Variants in KCNN2 observed in about 807,000 individuals in gnomAD.
KCNN2 encodes small conductance calcium-activated potassium channel protein 2.
A neutral mutation model predicts 55.5 loss-of-function variants in KCNN2; 24 were observed. The observed-to-expected ratio is 0.43, with a 90% confidence interval of 0.31 to 0.61. KCNN2 has a LOEUF of 0.61. Among genes scored for constraint, KCNN2 ranks in the 20% least tolerant of loss-of-function variants. The pLI is 0.08. For missense variants in KCNN2, 754 were observed against 853.6 expected (o/e 0.88, Z 1.45); for synonymous variants, 431 against 336.1 (o/e 1.28, Z -3.09).
At position 114,404,579 on chromosome 5, in the gene KCNN2, G is replaced by A. The variant is rs750161790; in HGVS notation, c.1360G>A (p.Ala454Thr). Residue 454 changes from alanine to threonine, a missense_variant, in exon 3 of 8, where the codon GCC (alanine) becomes ACC (threonine). By Grantham distance (58) the Ala-to-Thr change is moderately conservative. Around this residue, in one of 4 missense-constraint regions of KCNN2, gnomAD observed 123 missense variants for 204.9 expected, o/e 0.60. Coordinates refer to ENST00000673685, the MANE Select transcript of KCNN2 (RefSeq NM_021614.4). ...TACATTCACATGGACGGCCCGGCTT[G>A]CCTTCTCCTATGCCCCATCCACAAC... ...NYTFTWTARL[A>T]FSYAPSTTTA... 1.2e-6 allele frequency: 2 copies of A among 1,613,786 alleles called. No homozygotes were observed. The highest frequency in any genetic ancestry group is 2.2e-5 in the East Asian group (1 of 44,858).
At chr5:114,157,201 T>A (rs897822888) in intron 1 of KCNN2, among the ~76,000 whole-genome samples, 1 of 140,836 alleles carries the variant, frequency 7.1e-6, no homozygotes, top group Non-Finnish European at 1.5e-5. Flanking sequence ...TTTCCCTTCC[T>A]GTGTCCTTAT....
At chr5:114,141,817 G>A (rs1446935098) in intron 1 of KCNN2, among the ~76,000 whole-genome samples, 9 of 152,058 alleles carry the variant, frequency 5.9e-5, no homozygotes, top group East Asian at 1.9e-4. Context: ...TTTAATGATC[G>A]CCATTCTAAC....
At chr5:114,064,933 C>A (rs1750414276) in intron 1 of KCNN2, among the ~76,000 whole-genome samples, 1 of 152,140 alleles carries the variant, frequency 6.6e-6, no homozygotes, top group Non-Finnish European at 1.5e-5. Context: ...GCCCAAGGCA[C>A]AATGCTTAGG....
chr5:114,105,132 C>T (rs949145253), intron 1 of KCNN2, among the ~76,000 whole-genome samples: 2 of 152,002 alleles, frequency 1.3e-5, no homozygotes, highest in Admixed American at 1.3e-4. Flanking sequence ...AATCCTTACC[C>T]TAGACTGGAG....
At chr5:114,432,342 G>A (rs1043392752) in intron 3 of KCNN2, among the ~76,000 whole-genome samples, 2 of 152,158 alleles carry the variant, frequency 1.3e-5, no homozygotes, top group African/African-American at 2.4e-5. Flanking sequence ...ATCTCTAATC[G>A]GCTCTTTTGC....
At chr5:114,221,085 G>A (rs555668237) in intron 1 of KCNN2, among the ~76,000 whole-genome samples, 40 of 152,266 alleles carry the variant, frequency 2.6e-4, no homozygotes, top group Admixed American at 1.1e-3. Flanking sequence ...TATATGACAC[G>A]TTTATGTGAG....
intron 2 of KCNN2, among the ~76,000 whole-genome samples, chr5:114,242,896 G>T (rs1197968684): frequency 6.6e-6 from 1 of 151,986 alleles, no homozygotes; most frequent in Non-Finnish European, 1.5e-5. Flanking sequence ...CAGTAAATGA[G>T]GCCCAACATG....
chr5:114,479,578 T>C (rs983195428), intron 5 of KCNN2, among the ~76,000 whole-genome samples: 1 of 151,806 alleles, frequency 6.6e-6, no homozygotes, highest in Non-Finnish European at 1.5e-5. Context: ...AGAATACACA[T>C]TGTTCTGATC....
At chr5:114,449,894 A>G (rs1760582408) in intron 3 of KCNN2, among the ~76,000 whole-genome samples, 1 of 84,612 alleles carries the variant, frequency 1.2e-5, no homozygotes, top group Non-Finnish European at 2.8e-5. Flanking sequence ...ACACACACAC[A>G]CACACACACA....
At chr5:114,167,822 C>T (rs1281978072) in intron 1 of KCNN2, among the ~76,000 whole-genome samples, 1 of 152,122 alleles carries the variant, frequency 6.6e-6, no homozygotes, top group African/African-American at 2.4e-5. Flanking sequence ...TGCCCATTTG[C>T]AGCCCATCCC....
At chr5:114,138,482 A>C (rs55644115) in intron 1 of KCNN2, among the ~76,000 whole-genome samples, 35,982 of 152,032 alleles carry the variant, frequency 0.24, 4,346 homozygotes, top group Middle Eastern at 0.28. Context: ...AAGTTTCCTT[A>C]AGGTCGTATA....
chr5:114,201,552 C>CG (rs1753673338), intron 1 of KCNN2, among the ~76,000 whole-genome samples: 1 of 152,098 alleles, frequency 6.6e-6, no homozygotes, highest in Non-Finnish European at 1.5e-5. Context: ...GAATATTGTA[C>CG]TAGGTATGCT....
At chr5:114,200,736 G>A (rs1311386900) in intron 1 of KCNN2, among the ~76,000 whole-genome samples, 2 of 151,882 alleles carry the variant, frequency 1.3e-5, no homozygotes, top group African/African-American at 4.8e-5. Flanking sequence ...CTTTGGCCTT[G>A]ATTTTGGATA....
In KCNN2 at chr5:114,263,127, C is replaced by G. The variant is rs183912888; in HGVS notation, c.-185+41562C>G. Reference sequence around the variant, plus strand: ...CTTTCACTCTTGTTTTTCTTTTTGGCTCAGTATGGCTCTTGGTGAGCATGT... The same window carrying G: ...CTTTCACTCTTGTTTTTCTTTTTGGGTCAGTATGGCTCTTGGTGAGCATGT... On this transcript the variant is annotated intron_variant, in intron 2 of 10. Coordinates refer to the KCNN2 transcript ENST00000512097. Among the ~76,000 whole-genome samples the G allele has an allele frequency of 8.3e-4, 126 of 152,072 alleles. 1 individual carries two copies. The highest frequency in any genetic ancestry group is 2.9e-3 in the African/African-American group (121 of 41,484).
chr5:114,152,983 A>G (rs777884819), intron 1 of KCNN2, among the ~76,000 whole-genome samples: 4 of 152,168 alleles, frequency 2.6e-5, no homozygotes, highest in Non-Finnish European at 5.9e-5. Flanking sequence ...GCTGGTGATA[A>G]TAGTGATGAA....
Position 114,208,298 on chromosome 5 carries a change from A to C in KCNN2, c.-270-13182A>C, listed in dbSNP as rs539292758. Reference sequence around the variant, plus strand: ...TTAGCGGTAATCAGTCCAGACTGTCATCCCTTGCCTGTTTCCCTCTATTTC... The same window carrying C: ...TTAGCGGTAATCAGTCCAGACTGTCCTCCCTTGCCTGTTTCCCTCTATTTC... On this transcript the variant is annotated intron_variant, in intron 1 of 10. Transcript: ENST00000512097. Among the ~76,000 whole-genome samples the C allele has an allele frequency of 1.9e-4, 29 of 152,266 alleles. No homozygotes were observed. In the South Asian group the frequency reaches 5.2e-3, roughly 27 times the overall value.
chr5:114,349,149 A>G (rs1434683585), intron 2 of KCNN2, among the ~76,000 whole-genome samples: 1 of 152,074 alleles, frequency 6.6e-6, no homozygotes, highest in African/African-American at 2.4e-5. Flanking sequence ...TTTCCTATAT[A>G]TGGAATCATG....
intron 1 of KCNN2, among the ~76,000 whole-genome samples, chr5:114,185,718 G>A (rs777605242): frequency 7.9e-5 from 12 of 152,142 alleles, no homozygotes. Context: ...TAATTGATAC[G>A]TAGAGAAATG....
rs527241977 is a variant in KCNN2, at chr5:114,409,887, CTT to C, written c.1637+5035_1637+5036del. On this transcript the variant is annotated intron_variant, in intron 3 of 7. Coordinates refer to ENST00000673685, the MANE Select transcript of KCNN2 (RefSeq NM_021614.4). The stretch of plus-strand genomic sequence containing the variant: ...AAAAATTCTCTCTCTCTCTCTCTCT[CTT>C]TTTGGTGAATGATAGGAGGAAGCAG... Among the ~76,000 whole-genome samples, 864 of 152,140 alleles carry C rather than the reference CTT, an allele frequency of 5.7e-3. 5 individuals are homozygous for C. The highest frequency in any genetic ancestry group is 9.0e-3 in the Admixed American group (138 of 15,276).
Sources: gnomAD v4.1 joint callset for allele counts (sites outside exome capture counted in the v4.1 genomes callset) on GRCh38, gnomAD v4.1.1 for gene constraint, gnomAD v4.1.1 regional missense constraint, MANE v1.5 for transcripts, NCBI Gene and HGNC (gene_info 2026-07-23, HGNC 2026-07-21) for gene names.